DAB1: variants seen among roughly 807,000 people sequenced by gnomAD.
DAB1 encodes the protein disabled homolog 1.
A neutral mutation model predicts 64.6 loss-of-function variants in DAB1; 15 were observed. The ratio of observed to expected loss-of-function variants is 0.23; its 90% CI spans 0.16 to 0.36. DAB1 has a LOEUF of 0.36. Among genes scored for constraint, DAB1 ranks in the 10% least tolerant of loss-of-function variants. The pLI, the probability that DAB1 is intolerant of heterozygous loss-of-function variation, is 1.00. For synonymous variants in DAB1, 235 were observed against 251.9 expected (o/e 0.93, Z 0.64); for missense variants, 596 against 706.7 (o/e 0.84, Z 1.78).
chr1:58,290,013 A>C (rs1661776541), intron 4 of DAB1, among the ~76,000 whole-genome samples: 1 of 152,320 alleles, frequency 6.6e-6, no homozygotes, highest in East Asian at 1.9e-4. Flanking sequence ...AAAGAAACTC[A>C]TATGTTTTAA....
chr1:57,315,983 T>C (rs1246691503), intron 1 of DAB1, among the ~76,000 whole-genome samples: 2 of 152,190 alleles, frequency 1.3e-5, no homozygotes, highest in Non-Finnish European at 2.9e-5. Flanking sequence ...CTTTATTCAC[T>C]TTTAAAACGA....
intron 7 of DAB1, among the ~76,000 whole-genome samples, chr1:57,526,977 A>G (rs866107882): frequency 6.6e-6 from 1 of 152,288 alleles, no homozygotes; most frequent in Middle Eastern, 3.4e-3. Flanking sequence ...GATCCCATTT[A>G]ATACTCACCT....
At chr1:57,558,763 G>T (rs1645018284) in intron 7 of DAB1, among the ~76,000 whole-genome samples, 1 of 152,198 alleles carries the variant, frequency 6.6e-6, no homozygotes, top group Admixed American at 6.5e-5. Flanking sequence ...ATGGCCCATT[G>T]TGAGTGAGAT....
intron 5 of DAB1, among the ~76,000 whole-genome samples, chr1:58,013,461 T>G (rs1646697126): frequency 6.6e-6 from 1 of 150,686 alleles, no homozygotes; most frequent in Admixed American, 6.7e-5. Context: ...AGCCACATGC[T>G]CCAAAAAAAG....
chr1:58,534,578 CT>C (rs1013993243), intron 1 of DAB1, among the ~76,000 whole-genome samples: 6 of 152,164 alleles, frequency 3.9e-5, no homozygotes, highest in Non-Finnish European at 8.8e-5. Flanking sequence ...AAATTTCATT[CT>C]TTTCGATTAA....
chr1:57,877,981 CT>C (rs1644079426), intron 1 of DAB1, among the ~76,000 whole-genome samples: 1 of 152,200 alleles, frequency 6.6e-6, no homozygotes, highest in African/African-American at 2.4e-5. Flanking sequence ...GAGAGGTTCA[CT>C]CTTAATATCT....
chr1:58,134,648 GGAGA>G (rs561171891), intron 5 of DAB1, among the ~76,000 whole-genome samples: 1 of 152,212 alleles, frequency 6.6e-6, no homozygotes, highest in Non-Finnish European at 1.5e-5. Flanking sequence ...ATGGCCAGCA[GGAGA>G]GAGACAGTGA....
At chr1:58,397,331 G>A (rs1644531897) in intron 3 of DAB1, among the ~76,000 whole-genome samples, 1 of 152,242 alleles carries the variant, frequency 6.6e-6, no homozygotes, top group Admixed American at 6.5e-5. Context: ...TTCCCCACAA[G>A]TGGGAGTGAG....
chr1:57,249,324 C>T (rs1669142427), intron 2 of DAB1, among the ~76,000 whole-genome samples: 5 of 152,186 alleles, frequency 3.3e-5, no homozygotes, highest in Admixed American at 2.6e-4. Context: ...GAATAAAACC[C>T]CCAACCTCAT....
chr1:57,628,312 G>A (rs1213763522), intron 7 of DAB1, among the ~76,000 whole-genome samples: 1 of 152,172 alleles, frequency 6.6e-6, no homozygotes, highest in African/African-American at 2.4e-5. Context: ...AATTTTAGAG[G>A]TCGGGCTGAA....
intron 5 of DAB1, among the ~76,000 whole-genome samples, chr1:57,906,788 C>A (rs1569963764): frequency 1.3e-5 from 2 of 152,282 alleles, no homozygotes; most frequent in African/African-American, 4.8e-5. Flanking sequence ...AATAGAATGA[C>A]TGCCTAAGTC....
At chr1:57,531,106 T>C (rs543437251) in intron 7 of DAB1, among the ~76,000 whole-genome samples, 265 of 152,294 alleles carry the variant, frequency 1.7e-3, no homozygotes, top group African/African-American at 6.1e-3. Flanking sequence ...CCTGCATGAC[T>C]ACATCCAGAT....
intron 3 of DAB1, among the ~76,000 whole-genome samples, chr1:58,377,994 C>T (rs1644346270): frequency 7.1e-6 from 1 of 141,566 alleles, no homozygotes; most frequent in African/African-American, 2.6e-5. Flanking sequence ...CTTCTGCATT[C>T]TTCACATAGT....
At chr1:58,514,552 C>CT (rs1646130367) in intron 2 of DAB1, among the ~76,000 whole-genome samples, 1 of 152,092 alleles carries the variant, frequency 6.6e-6, no homozygotes, top group Non-Finnish European at 1.5e-5. Context: ...GAATCTGAAT[C>CT]TTTTTTTAGG....
intron 14 of DAB1, among the ~76,000 whole-genome samples, chr1:57,009,938 C>T (rs1189784610): frequency 2.0e-5 from 3 of 152,216 alleles, no homozygotes; most frequent in African/African-American, 7.2e-5. Context: ...TGCTGCAGCA[C>T]AGGTGCAAAC....
At chr1:58,215,998 T>C (rs1191525844) in intron 4 of DAB1, among the ~76,000 whole-genome samples, 5 of 151,908 alleles carry the variant, frequency 3.3e-5, no homozygotes, top group Admixed American at 6.6e-5. Context: ...GATGGATGGA[T>C]GGGTCAACAG....
chr1:57,105,542 A>C (rs1048285222), intron 4 of DAB1, among the ~76,000 whole-genome samples: 1 of 152,112 alleles, frequency 6.6e-6, no homozygotes, highest in East Asian at 1.9e-4. Flanking sequence ...GCCAATTTAA[A>C]AGTTCTACCG....
intron 7 of DAB1, among the ~76,000 whole-genome samples, chr1:57,473,749 C>T (rs962264216): frequency 1.3e-5 from 2 of 152,160 alleles, no homozygotes; most frequent in African/African-American, 2.4e-5. Flanking sequence ...TCTATGCATC[C>T]GATCTGCATA....
chr1:57,410,513 C>T (rs1477657737), intron 1 of DAB1, among the ~76,000 whole-genome samples: 1 of 152,196 alleles, frequency 6.6e-6, no homozygotes, highest in Admixed American at 6.5e-5. Context: ...GAAAGGCAGG[C>T]AGAGGCAGGT....
Sources: allele counts gnomAD v4.1 joint callset (sites outside exome capture counted in the v4.1 genomes callset), GRCh38; gene constraint gnomAD v4.1.1; transcripts MANE v1.5; gene names NCBI Gene and HGNC (gene_info 2026-07-23, HGNC 2026-07-21).